Variants in FBXL7 observed in about 807,000 individuals in gnomAD.
The protein encoded by FBXL7 is F-box and leucine rich repeat protein 7, also known as F-box/LRR-repeat protein 7.
Under a neutral mutation model 38.3 loss-of-function variants are expected in FBXL7, and 12 were observed. The observed-to-expected ratio is 0.31, with a 90% CI of 0.20 to 0.51. The LOEUF is 0.51. Among genes scored for constraint, FBXL7 ranks in the 20% least tolerant of loss-of-function variants. The pLI is 0.98. For synonymous variants in FBXL7, 297 were observed against 300.9 expected, an observed-to-expected ratio of 0.99 and a Z score of 0.13; for missense variants, 567 against 676.4, an observed-to-expected ratio of 0.84 and a Z score of 1.79.
intron 2 of FBXL7, among the ~76,000 whole-genome samples, chr5:15,752,234 A>G (rs1459251392): frequency 6.6e-6 from 1 of 152,208 alleles, no homozygotes; most frequent in Non-Finnish European, 1.5e-5. Context: ...ACAAAACTGC[A>G]CGTTCTGCAC....
At chr5:15,742,975 A>G (rs977570264) in intron 2 of FBXL7, among the ~76,000 whole-genome samples, 2 of 152,180 alleles carry the variant, frequency 1.3e-5, no homozygotes, top group African/African-American at 4.8e-5. Flanking sequence ...ACTCACATGG[A>G]ACACCATGGA....
At chr5:15,715,544 C>T (rs1296665276) in intron 2 of FBXL7, among the ~76,000 whole-genome samples, 1 of 149,984 alleles carries the variant, frequency 6.7e-6, no homozygotes, top group Non-Finnish European at 1.5e-5. Context: ...CCCTTTCTGT[C>T]TAGGACCAGA....
chr5:15,816,943 T>C (rs903288939), intron 2 of FBXL7, among the ~76,000 whole-genome samples: 15 of 152,220 alleles, frequency 9.9e-5, no homozygotes, highest in Non-Finnish European at 1.5e-5. Context: ...TGTTTAAAAC[T>C]ACAAACACAC....
At chr5:15,831,258 T>C (rs1324647331) in intron 2 of FBXL7, among the ~76,000 whole-genome samples, 1 of 151,980 alleles carries the variant, frequency 6.6e-6, no homozygotes, top group Non-Finnish European at 1.5e-5. Context: ...GGAAAGGGAG[T>C]AGACAAGGCA....
intron 2 of FBXL7, among the ~76,000 whole-genome samples, chr5:15,621,905 T>A (rs74878445): frequency 2.6e-5 from 4 of 151,106 alleles, no homozygotes; most frequent in East Asian, 4.0e-4. Flanking sequence ...AATACACTCA[T>A]TTTTTTTTAC....
intron 2 of FBXL7, among the ~76,000 whole-genome samples, chr5:15,854,431 C>A (rs886956175): frequency 1.3e-5 from 2 of 152,066 alleles, no homozygotes; most frequent in African/African-American, 2.4e-5. Context: ...TAATCTTCAG[C>A]CTATGTGCCA....
chr5:15,672,291 T>C (rs1188131107), intron 2 of FBXL7, among the ~76,000 whole-genome samples: 2 of 152,208 alleles, frequency 1.3e-5, no homozygotes, highest in Non-Finnish European at 2.9e-5. Flanking sequence ...ATGTCTTTAA[T>C]GTCTTTAAAC....
intron 1 of FBXL7, among the ~76,000 whole-genome samples, chr5:15,541,543 C>CTT (rs1173509531): frequency 2.4e-4 from 22 of 91,346 alleles, no homozygotes; most frequent in Admixed American, 4.7e-4. Flanking sequence ...ACTCACTCCT[C>CTT]TTTTTTTTTT....
intron 1 of FBXL7, among the ~76,000 whole-genome samples, chr5:15,608,364 T>A (rs1215208032): frequency 6.6e-6 from 1 of 152,150 alleles, no homozygotes; most frequent in Non-Finnish European, 1.5e-5. Context: ...ATATCTTTAT[T>A]TTATGGTTGA....
At chr5:15,552,641 C>T (rs1008525694) in intron 1 of FBXL7, among the ~76,000 whole-genome samples, 6 of 152,212 alleles carry the variant, frequency 3.9e-5, no homozygotes, top group African/African-American at 1.4e-4. Flanking sequence ...CAGCCACCTT[C>T]TGCCTGATCC....
At chr5:15,858,198 A>T (rs1739327556) in intron 2 of FBXL7, among the ~76,000 whole-genome samples, 2 of 150,114 alleles carry the variant, frequency 1.3e-5, no homozygotes, top group Non-Finnish European at 3.0e-5. Context: ...AGGAAAAAGT[A>T]TATATATATT....
At chr5:15,637,997 A>G (rs979000721) in intron 2 of FBXL7, among the ~76,000 whole-genome samples, 1 of 152,232 alleles carries the variant, frequency 6.6e-6, no homozygotes, top group African/African-American at 2.4e-5. Context: ...GTTAAGTCTG[A>G]TTCATTATTC....
At chr5:15,638,005 T>C (rs1741240069) in intron 2 of FBXL7, among the ~76,000 whole-genome samples, 5 of 152,232 alleles carry the variant, frequency 3.3e-5, no homozygotes, top group Admixed American at 3.3e-4. Context: ...TGATTCATTA[T>C]TCAGCTAACC....
intron 1 of FBXL7, among the ~76,000 whole-genome samples, chr5:15,563,921 C>T (rs982066633): frequency 2.0e-5 from 3 of 151,992 alleles, no homozygotes; most frequent in Non-Finnish European, 4.4e-5. Flanking sequence ...AAAATGGGTG[C>T]TTATATCCAG....
At chr5:15,704,810 G>A (rs1457904999) in intron 2 of FBXL7, among the ~76,000 whole-genome samples, 1 of 152,090 alleles carries the variant, frequency 6.6e-6, no homozygotes, top group Non-Finnish European at 1.5e-5. Context: ...AGCCCTTGAA[G>A]GGCAGCACTT....
chr5:15,893,852 A>G (rs1283196729), intron 2 of FBXL7, among the ~76,000 whole-genome samples: 5 of 152,372 alleles, frequency 3.3e-5, no homozygotes, highest in African/African-American at 1.2e-4. Flanking sequence ...GGTTCAATGC[A>G]TACGCCTGGT....
intron 2 of FBXL7, among the ~76,000 whole-genome samples, chr5:15,634,407 C>T (rs1290504497): frequency 3.3e-5 from 5 of 149,422 alleles, no homozygotes; most frequent in South Asian, 2.1e-4. Flanking sequence ...CTGCAACCCC[C>T]GCCTCCGAAG....
At chr5:15,680,056 C>T (rs920163710) in intron 2 of FBXL7, among the ~76,000 whole-genome samples, 1 of 152,084 alleles carries the variant, frequency 6.6e-6, no homozygotes, top group Non-Finnish European at 1.5e-5. Flanking sequence ...GTCAATGAAA[C>T]AAGTATCTAC....
intron 2 of FBXL7, among the ~76,000 whole-genome samples, chr5:15,898,687 C>T (rs1420583846): frequency 4.6e-5 from 7 of 152,216 alleles, no homozygotes; most frequent in Admixed American, 2.0e-4. Context: ...AAATAGTTCC[C>T]ATAGACACGA....
Sources: allele counts gnomAD v4.1 joint callset (sites outside exome capture counted in the v4.1 genomes callset), GRCh38; gene constraint gnomAD v4.1.1; transcripts MANE v1.5; gene names NCBI Gene and HGNC (gene_info 2026-07-23, HGNC 2026-07-21).